The following CCDC3 variants were observed in gnomAD, a reference collection of about 807,000 sequenced individuals.
CCDC3 encodes coiled-coil domain-containing protein 3.
In CCDC3, 24 loss-of-function variants were observed where a neutral mutation model predicts 21.4. The observed-to-expected ratio is 1.12, with a 90% CI of 0.81 to 1.58. CCDC3 has a LOEUF of 1.58. Among genes scored for constraint, CCDC3 ranks in the 40% most tolerant of loss-of-function variants. The pLI, the probability that CCDC3 is intolerant of heterozygous loss-of-function variation, is 0.00. For missense variants in CCDC3, 425 were observed against 360.9 expected (o/e 1.18, Z -1.44); for synonymous variants, 186 against 166.0 (o/e 1.12, Z -0.93).
chr10:12,987,763 GAC>G (rs961267248), intron 2 of CCDC3, among the ~76,000 whole-genome samples: 1 of 152,204 alleles, frequency 6.6e-6, no homozygotes, highest in African/African-American at 2.4e-5. Context: ...GGAGGAAGAT[GAC>G]ACAGAGCAAA....
intron 5 of CCDC3, among the ~76,000 whole-genome samples, chr10:13,031,040 A>G (rs1836293509): frequency 6.6e-6 from 1 of 152,218 alleles, no homozygotes; most frequent in Non-Finnish European, 1.5e-5. Flanking sequence ...AACAGAATAT[A>G]CATTCTTCTC....
chr10:13,090,995 G>A (rs1427842293), intron 3 of CCDC3, among the ~76,000 whole-genome samples: 1 of 152,182 alleles, frequency 6.6e-6, no homozygotes, highest in Admixed American at 6.5e-5. Flanking sequence ...GTAAGTCCTA[G>A]AGTCCAAGGG....
chr10:12,977,618 C>CA (rs769904483), intron 2 of CCDC3, among the ~76,000 whole-genome samples: 4 of 152,210 alleles, frequency 2.6e-5, no homozygotes, highest in Non-Finnish European at 4.4e-5. Flanking sequence ...AAATAACCCT[C>CA]ACAGAGCCTT....
intron 2 of CCDC3, among the ~76,000 whole-genome samples, chr10:12,989,929 G>GAAA (rs897420107): frequency 6.9e-6 from 1 of 144,420 alleles, no homozygotes; most frequent in Non-Finnish European, 1.5e-5. Context: ...TGTGCAAGCA[G>GAAA]AAAAAAAAAA....
chr10:12,975,529 C>CT (rs1357248329), intron 2 of CCDC3, among the ~76,000 whole-genome samples: 1 of 152,182 alleles, frequency 6.6e-6, no homozygotes, highest in Non-Finnish European at 1.5e-5. Context: ...CAAATCAATG[C>CT]TGAACCACCC....
intron 2 of CCDC3, among the ~76,000 whole-genome samples, chr10:12,945,278 T>G (rs1834897704): frequency 6.6e-6 from 1 of 152,146 alleles, no homozygotes; most frequent in African/African-American, 2.4e-5. Flanking sequence ...CAACTCTATA[T>G]GCAAGCATAC....
chr10:12,923,306 T>C (rs1834481077), intron 2 of CCDC3, among the ~76,000 whole-genome samples: 2 of 152,226 alleles, frequency 1.3e-5, no homozygotes, highest in Admixed American at 1.3e-4. Flanking sequence ...TAGACGGTCC[T>C]CCCTCTGACA....
intron 5 of CCDC3, among the ~76,000 whole-genome samples, chr10:13,031,813 G>T (rs1485373387): frequency 6.6e-6 from 1 of 152,102 alleles, no homozygotes; most frequent in African/African-American, 2.4e-5. Context: ...TCCCTGAATA[G>T]ATCAATAACA....
intron 3 of CCDC3, among the ~76,000 whole-genome samples, chr10:13,074,978 A>G (rs1394065758): frequency 6.6e-6 from 1 of 152,204 alleles, no homozygotes. Context: ...AGGACCCGGT[A>G]CATCCCAGCC....
At chr10:12,931,208 CAAAAAAAAAAAAA>C (rs67541166) in intron 2 of CCDC3, among the ~76,000 whole-genome samples, 1 of 75,054 alleles carries the variant, frequency 1.3e-5, no homozygotes, top group Non-Finnish European at 2.6e-5. Context: ...AAGACTCTGT[CAAAAAAAAAAAAA>C]AAAAAAAAAA....
chr10:13,069,003 C>T (rs1057190716), intron 4 of CCDC3, among the ~76,000 whole-genome samples: 3 of 152,214 alleles, frequency 2.0e-5, no homozygotes, highest in African/African-American at 7.2e-5. Flanking sequence ...TGCCTGTAAT[C>T]CCAGCACTTT....
intron 4 of CCDC3, among the ~76,000 whole-genome samples, chr10:13,059,812 G>A (rs1169013496): frequency 1.3e-5 from 2 of 152,086 alleles, no homozygotes; most frequent in Admixed American, 6.6e-5. Context: ...TGTTTTGGCC[G>A]GGCGCGGTGG....
chr10:13,076,304 G>C (rs572031004), intron 3 of CCDC3, among the ~76,000 whole-genome samples: 1 of 152,324 alleles, frequency 6.6e-6, no homozygotes, highest in East Asian at 1.9e-4. Context: ...ATTCAAACCA[G>C]AGCAACTCCA....
rs79612859 is a variant in CCDC3 at position 12,954,613 on chromosome 10, A to G, written c.549+43725T>C. Among the ~76,000 whole-genome samples the G allele has an allele frequency of 4.6e-3, 703 of 152,294 alleles. 7 individuals are homozygous for G. The highest frequency in any genetic ancestry group is 0.016 in the African/African-American group (655 of 41,550). On this transcript the variant is annotated intron_variant, in intron 2 of 2. Coordinates refer to ENST00000378825, the MANE Select transcript of CCDC3 (RefSeq NM_031455.4). The stretch of plus-strand genomic sequence containing the variant: ...AGAGAAAGCAAGAGAGAAGGGAGGC[A>G]CCAGGCTCTTTTTAATAACCAGCTT...
chr10:13,013,128 A>G (rs894142135), intron 5 of CCDC3, among the ~76,000 whole-genome samples: 1 of 152,196 alleles, frequency 6.6e-6, no homozygotes, highest in African/African-American at 2.4e-5. Context: ...TGGGACACAC[A>G]CACATATTTC....
chr10:13,035,157 T>C (rs906597526), intron 5 of CCDC3, among the ~76,000 whole-genome samples: 2 of 152,170 alleles, frequency 1.3e-5, no homozygotes, highest in East Asian at 1.9e-4. Context: ...TCTGCATTTC[T>C]GGGTGGCAAT....
At chr10:13,041,053 C>T (rs1236115665) in intron 5 of CCDC3, among the ~76,000 whole-genome samples, 1 of 152,072 alleles carries the variant, frequency 6.6e-6, no homozygotes, top group East Asian at 1.9e-4. Flanking sequence ...AATTAAGTCC[C>T]AAACACTGAG....
At chr10:13,084,534 G>A (rs950990217) in intron 3 of CCDC3, among the ~76,000 whole-genome samples, 21 of 152,156 alleles carry the variant, frequency 1.4e-4, no homozygotes, top group African/African-American at 4.6e-4. Context: ...TGATCCACTC[G>A]CCTCGGCCTC....
intron 5 of CCDC3, among the ~76,000 whole-genome samples, chr10:13,032,331 G>T (rs1164484115): frequency 3.9e-5 from 6 of 152,060 alleles, no homozygotes; most frequent in Non-Finnish European, 7.3e-5. Context: ...GGTATTGATG[G>T]GACGTATCTC....
Sources: gnomAD v4.1 joint callset for allele counts (sites outside exome capture counted in the v4.1 genomes callset) on GRCh38, gnomAD v4.1.1 for gene constraint, MANE v1.5 for transcripts, NCBI Gene and HGNC (gene_info 2026-07-23, HGNC 2026-07-21) for gene names.